NEDD9: variants seen among roughly 807,000 people sequenced by gnomAD.
NEDD9 encodes the protein neural precursor cell expressed, developmentally down-regulated 9.
Under a neutral mutation model 76.6 loss-of-function variants are expected in NEDD9, and 26 were observed. The ratio of observed to expected loss-of-function variants is 0.34; its 90% CI spans 0.25 to 0.47. The LOEUF is 0.47. NEDD9 is among the 20% of genes least tolerant of loss of function. The pLI is 1.00. For missense variants in NEDD9, 937 were observed against 1,058.5 expected, an observed-to-expected ratio of 0.89 and a Z score of 1.59; for synonymous variants, 392 against 414.2, an observed-to-expected ratio of 0.95 and a Z score of 0.65.
intron 3 of NEDD9, among the ~76,000 whole-genome samples, chr6:11,270,076 C>CCGAGAT (rs1424208446): frequency 2.6e-5 from 4 of 152,268 alleles, no homozygotes; most frequent in South Asian, 4.1e-4. Flanking sequence ...TTGCAGTGAG[C>CCGAGAT]CGAGATCGCA....
At chr6:11,192,639 A>T (rs1581945324) in intron 3 of NEDD9, 193 bp from the exon 4 acceptor site, 2 of 487,708 alleles carry the variant, frequency 4.1e-6, no homozygotes, top group Non-Finnish European at 7.1e-6. Context: ...TACATTTAAT[A>T]TAAAAATGAT....
intron 1 of NEDD9, among the ~76,000 whole-genome samples, chr6:11,363,991 G>T (rs1367451474): frequency 1.3e-5 from 2 of 152,186 alleles, no homozygotes; most frequent in Admixed American, 6.5e-5. Flanking sequence ...CTGCTTGCAA[G>T]GCTGGCCCTT....
At chr6:11,189,197 A>G (rs964080579) in intron 5 of NEDD9, among the ~76,000 whole-genome samples, 4 of 152,172 alleles carry the variant, frequency 2.6e-5, no homozygotes, top group Non-Finnish European at 5.9e-5. Context: ...CACCTGCTTC[A>G]GCCTCCCAAA....
chr6:11,371,397 C>T (rs1762872166), intron 1 of NEDD9, among the ~76,000 whole-genome samples: 1 of 152,128 alleles, frequency 6.6e-6, no homozygotes, highest in South Asian at 2.1e-4. Flanking sequence ...AGGACTTTCA[C>T]TGCCCTCAAA....
intron 2 of NEDD9, chr6:11,306,172 G>C: frequency 1.3e-6 from 1 of 778,378 alleles, no homozygotes; most frequent in East Asian, 2.5e-5. Flanking sequence ...ACAGGAGATA[G>C]AGATGGAAAG....
chr6:11,235,600 G>C (rs562240918), upstream of NEDD9, among the ~76,000 whole-genome samples: 1 of 152,316 alleles, frequency 6.6e-6, no homozygotes, highest in South Asian at 2.1e-4. The surrounding 1 kb of genome is among the most constrained non-coding windows in gnomAD (Gnocchi z 4.1). Flanking sequence ...AACAGACCAG[G>C]GTGGGACAGG....
At chr6:11,351,258 C>T (rs958851795) in intron 1 of NEDD9, among the ~76,000 whole-genome samples, 4 of 152,058 alleles carry the variant, frequency 2.6e-5, no homozygotes, top group African/African-American at 9.7e-5. Context: ...GAGCTCTTTG[C>T]ATATTTAGGG....
chr6:11,226,982 TTTG>T (rs886187385), intron 1 of NEDD9, among the ~76,000 whole-genome samples: 50 of 152,316 alleles, frequency 3.3e-4, no homozygotes, highest in South Asian at 6.2e-4. Context: ...GCCCATGTTT[TTTG>T]TTGTTGTTGT....
At chr6:11,262,128 G>T (rs1760126499) in intron 3 of NEDD9, among the ~76,000 whole-genome samples, 1 of 152,192 alleles carries the variant, frequency 6.6e-6, no homozygotes, top group South Asian at 2.1e-4. Context: ...GCAAAGGGCT[G>T]TGGTTTAATG....
chr6:11,376,113 C>T (rs376500416), intron 1 of NEDD9, among the ~76,000 whole-genome samples: 9 of 152,310 alleles, frequency 5.9e-5, no homozygotes, highest in Middle Eastern at 3.4e-3. Context: ...CGTGAGCCAC[C>T]GTGCCCGGTC....
At chr6:11,355,870 G>A (rs1041892203) in intron 1 of NEDD9, among the ~76,000 whole-genome samples, 21 of 151,530 alleles carry the variant, frequency 1.4e-4, no homozygotes, top group East Asian at 3.9e-4. Flanking sequence ...ACAGGCACCC[G>A]CCACCACGCC....
chr6:11,263,181 T>A (rs1021584828), intron 3 of NEDD9, among the ~76,000 whole-genome samples: 18 of 152,240 alleles, frequency 1.2e-4, no homozygotes, highest in African/African-American at 4.1e-4. Flanking sequence ...AATGTTAAAA[T>A]TCATTTAAAT....
chr6:11,238,547 G>A (rs757192959), intron 3 of NEDD9, among the ~76,000 whole-genome samples: 12 of 152,190 alleles, frequency 7.9e-5, no homozygotes, highest in South Asian at 4.1e-4. Context: ...CCTTACTCAC[G>A]TGCACGTTGG....
chr6:11,200,719 C>T (rs547485672), intron 2 of NEDD9: 460 of 1,320,406 alleles, frequency 3.5e-4, no homozygotes, highest in Non-Finnish European at 4.2e-4. Flanking sequence ...CAAACCAAAG[C>T]AGCAAATGGT....
intron 1 of NEDD9, among the ~76,000 whole-genome samples, chr6:11,374,784 A>G (rs1762945278): frequency 6.6e-6 from 1 of 152,264 alleles, no homozygotes; most frequent in Non-Finnish European, 1.5e-5. Context: ...GTATTCATAT[A>G]GAACTTTTCC....
intron 6 of NEDD9, among the ~76,000 whole-genome samples, chr6:11,187,470 T>TAA: frequency 6.6e-6 from 1 of 152,254 alleles, no homozygotes; most frequent in South Asian, 2.1e-4. Context: ...CTCCTACCTT[T>TAA]AGATTGGACC....
At chr6:11,255,166 C>T (rs1458678551) in intron 3 of NEDD9, among the ~76,000 whole-genome samples, 1 of 152,050 alleles carries the variant, frequency 6.6e-6, no homozygotes, top group Non-Finnish European at 1.5e-5. Context: ...ATGGGATTGG[C>T]CAGAAAGGAA....
chr6:11,256,326 C>T (rs1294398445), intron 3 of NEDD9, among the ~76,000 whole-genome samples: 1 of 152,132 alleles, frequency 6.6e-6, no homozygotes, highest in African/African-American at 2.4e-5. Context: ...GGTGTATGTG[C>T]AGCAGGAGGG....
At chr6:11,292,056 G>A (rs760680) in intron 3 of NEDD9, among the ~76,000 whole-genome samples, 51,239 of 151,984 alleles carry the variant, frequency 0.34, 9,463 homozygotes, top group African/African-American at 0.5. Flanking sequence ...ATCATTTGGG[G>A]AAAATAGACT....
Sources: gnomAD v4.1 joint callset for allele counts (sites outside exome capture counted in the v4.1 genomes callset) on GRCh38, gnomAD v4.1.1 for gene constraint, Gnocchi (gnomAD v3.1) non-coding constraint, MANE v1.5 for transcripts, NCBI Gene and HGNC (gene_info 2026-07-23, HGNC 2026-07-21) for gene names.